PRPF18: variants seen among roughly 807,000 people sequenced by gnomAD.
The protein encoded by PRPF18 is pre-mRNA-splicing factor 18.
A neutral mutation model predicts 46.5 loss-of-function variants in PRPF18; 38 were observed. The observed-to-expected ratio is 0.82, with a 90% CI of 0.63 to 1.07. The LOEUF (loss-of-function observed/expected upper bound fraction) is 1.07, where lower values mean the gene tolerates loss of function less well. Ranked by LOEUF, PRPF18 falls within the 50% of genes least tolerant of loss-of-function variation. The probability of loss-of-function intolerance (pLI) is 0.00; values close to 1 mark genes in which losing one functional copy is unlikely to be tolerated. For missense variants in PRPF18, 263 were observed against 410.0 expected, an observed-to-expected ratio of 0.64 and a Z score of 3.10; for synonymous variants, 152 against 146.7, an observed-to-expected ratio of 1.04 and a Z score of -0.26.
chr10:13,608,840 C>A (rs1389384418), intron 4 of PRPF18, among the ~76,000 whole-genome samples: 1 of 152,188 alleles, frequency 6.6e-6, no homozygotes, highest in African/African-American at 2.4e-5. Flanking sequence ...GGATTCCATT[C>A]CTGGATTATA....
At chr10:13,588,406 C>CAAAA (rs79679505) in intron 1 of PRPF18, among the ~76,000 whole-genome samples, 1,468 of 128,234 alleles carry the variant, frequency 0.011, 28 homozygotes, top group African/African-American at 0.04. Flanking sequence ...GACACCGTCT[C>CAAAA]AAAAAAAAAA....
chr10:13,597,639 C>T (rs371304849), intron 2 of PRPF18, 104 bp downstream of exon 2: 80 of 1,602,984 alleles, frequency 5.0e-5, no homozygotes, highest in Middle Eastern at 3.3e-4. Flanking sequence ...TATCAATATA[C>T]GTTAGCCTAT....
chr10:13,590,931 A>G (rs907558675), intron 1 of PRPF18, among the ~76,000 whole-genome samples: 1 of 152,230 alleles, frequency 6.6e-6, no homozygotes, highest in African/African-American at 2.4e-5. Context: ...AAAGCACTGG[A>G]AAATTATTAG....
intron 8 of PRPF18, among the ~76,000 whole-genome samples, chr10:13,616,142 A>C (rs184188138): frequency 9.8e-4 from 149 of 152,274 alleles, no homozygotes; most frequent in African/African-American, 3.6e-3. Context: ...GCTGCAAAGG[A>C]ATGTTTGCCT....
chr10:13,630,740 A>G lies in PRPF18; in HGVS notation c.*400A>G, dbSNP rs1017018599. 1 of 151,938 alleles carries G rather than the reference A, an allele frequency of 6.6e-6. No individual in the cohort carries two copies. Among genetic ancestry groups the G allele is most frequent in the African/African-American group, 2.4e-5 (1 of 41,394 alleles). The allele number at this position is 151,938 out of a possible 1,614,324, so 9.4% of individuals were successfully genotyped here. ...TAATTTGCCTATTGTCTTTTATGTA[A>G]TATTTATATAAAATATTTTTATATA... On this transcript the variant is annotated 3_prime_UTR_variant, in exon 10 of 10. Transcript: ENST00000378572.
chr10:13,621,458 T>A (rs2080418826), intron 9 of PRPF18, among the ~76,000 whole-genome samples: 1 of 152,134 alleles, frequency 6.6e-6, no homozygotes, highest in Non-Finnish European at 1.5e-5. Context: ...GGTGGCTGTC[T>A]CCATACAGCT....
the PRPF18 span, chr10:13,640,410 T>G: frequency 1.3e-5 from 2 of 152,256 alleles, no homozygotes; most frequent in Admixed American, 1.3e-4. Flanking sequence ...CAGGTCCTCT[T>G]CTACGCAATC....
chr10:13,613,389 T>C (rs2080299037), intron 6 of PRPF18, among the ~76,000 whole-genome samples: 1 of 152,014 alleles, frequency 6.6e-6, no homozygotes, highest in African/African-American at 2.4e-5. Context: ...CCAGTTTTCT[T>C]GTAACTCGTA....
chr10:13,597,027 G>A (rs2080044951), intron 1 of PRPF18, among the ~76,000 whole-genome samples: 1 of 152,140 alleles, frequency 6.6e-6, no homozygotes, highest in Non-Finnish European at 1.5e-5. Flanking sequence ...CCCTTGTTAT[G>A]TGGGATATCA....
At chr10:13,637,133 T>C in the PRPF18 span, 1 of 152,236 alleles carries the variant, frequency 6.6e-6, no homozygotes, top group African/African-American at 2.4e-5. Context: ...GTTTTATATG[T>C]GTTTCTTGGT....
the PRPF18 span, chr10:13,651,573 G>A: frequency 3.7e-6 from 1 of 270,080 alleles, no homozygotes; most frequent in Non-Finnish European, 7.1e-6. Context: ...TAGCTACTAG[G>A]GAGCCAGGAG....
chr10:13,633,179 C>T (rs543408448), downstream of PRPF18, among the ~76,000 whole-genome samples: 10 of 152,180 alleles, frequency 6.6e-5, no homozygotes, highest in South Asian at 1.9e-3. Flanking sequence ...AAGGACAGTC[C>T]GAATCTCGTA....
chr10:13,611,387 T>C (rs1336555438), intron 5 of PRPF18, among the ~76,000 whole-genome samples: 1 of 152,212 alleles, frequency 6.6e-6, no homozygotes, highest in Non-Finnish European at 1.5e-5. Flanking sequence ...AAATCTCACA[T>C]TCATTACCCC....
intron 1 of PRPF18, among the ~76,000 whole-genome samples, chr10:13,596,758 T>A (rs1246251664): frequency 1.3e-5 from 2 of 152,166 alleles, no homozygotes; most frequent in Non-Finnish European, 2.9e-5. Flanking sequence ...ACAAATACCT[T>A]GTGAGAGGAT....
At chr10:13,654,750 A>G in the PRPF18 span, 7 of 546,858 alleles carry the variant, frequency 1.3e-5, no homozygotes, top group Non-Finnish European at 2.3e-5. Flanking sequence ...ACCCACTACC[A>G]TGCACCTTCA....
At chr10:13,650,646 A>G in the PRPF18 span, among the ~76,000 whole-genome samples, 1 of 152,226 alleles carries the variant, frequency 6.6e-6, no homozygotes, top group African/African-American at 2.4e-5. Context: ...GAGGGGGTCT[A>G]CCTTCCTTCC....
chr10:13,607,457 C>G (rs1391447442), intron 4 of PRPF18, among the ~76,000 whole-genome samples: 1 of 152,006 alleles, frequency 6.6e-6, no homozygotes, highest in Non-Finnish European at 1.5e-5. Context: ...TCACTCTCAC[C>G]CAGGCTGGAG....
At chr10:13,611,928 G>A (rs1284735844) in intron 6 of PRPF18, among the ~76,000 whole-genome samples, 1 of 148,028 alleles carries the variant, frequency 6.8e-6, no homozygotes, top group Non-Finnish European at 1.5e-5. Context: ...CTCTCAAGCT[G>A]GGGTGCAGTG....
chr10:13,635,009 G>A (rs1167388694), downstream of PRPF18, among the ~76,000 whole-genome samples: 1 of 152,074 alleles, frequency 6.6e-6, no homozygotes, highest in Non-Finnish European at 1.5e-5. Context: ...ATTAAGCCCG[G>A]CATCCACTAG....
Sources: gnomAD v4.1 joint callset for allele counts (sites outside exome capture counted in the v4.1 genomes callset) on GRCh38, gnomAD v4.1.1 for gene constraint, MANE v1.5 for transcripts, NCBI Gene and HGNC (gene_info 2026-07-23, HGNC 2026-07-21) for gene names.